Variants in TRANK1 observed in about 807,000 individuals in gnomAD.
TRANK1 encodes tetratricopeptide repeat and ankyrin repeat containing 1, also known as TPR and ankyrin repeat-containing protein 1.
A neutral mutation model predicts 266.0 loss-of-function variants in TRANK1; 198 were observed. The ratio of observed to expected loss-of-function variants is 0.74; its 90% CI spans 0.66 to 0.84. TRANK1 has a LOEUF of 0.84. Ranked by LOEUF, TRANK1 falls within the 40% of genes least tolerant of loss-of-function variation. TRANK1 has a pLI of 0.00. For missense variants in TRANK1, 3,326 were observed against 3,634.6 expected (o/e 0.92, Z 2.18); for synonymous variants, 1,396 against 1,384.1 (o/e 1.01, Z -0.19).
chr3:36,891,423 T>C (rs941817714), intron 7 of TRANK1, among the ~76,000 whole-genome samples: 4 of 151,968 alleles, frequency 2.6e-5, no homozygotes, highest in Non-Finnish European at 5.9e-5. Context: ...AAGACAGGGG[T>C]CCCAGGCCTC....
At chr3:36,829,358 C>T (rs1350181887) in intron 23 of TRANK1, among the ~76,000 whole-genome samples, 1 of 152,090 alleles carries the variant, frequency 6.6e-6, no homozygotes, top group Non-Finnish European at 1.5e-5. Context: ...AACATGTGCC[C>T]AGAATAATGG....
chr3:36,868,182 T>G (rs981863826), intron 9 of TRANK1, among the ~76,000 whole-genome samples: 1 of 152,276 alleles, frequency 6.6e-6, no homozygotes, highest in Non-Finnish European at 1.5e-5. Context: ...AATGTATATA[T>G]AGCTCACATT....
intron 1 of TRANK1, among the ~76,000 whole-genome samples, chr3:36,935,401 G>A (rs529507619): frequency 6.7e-6 from 1 of 150,348 alleles, no homozygotes; most frequent in Non-Finnish European, 1.5e-5. Flanking sequence ...CTCTGTGCCA[G>A]ACACTAATTT....
At chr3:36,917,333 A>T (rs1428849922) in intron 1 of TRANK1, among the ~76,000 whole-genome samples, 1 of 152,242 alleles carries the variant, frequency 6.6e-6, no homozygotes, top group East Asian at 1.9e-4. Context: ...AATATATTCT[A>T]TATTTTTTTC....
At chr3:36,881,888 G>A (rs886964481) in intron 8 of TRANK1, among the ~76,000 whole-genome samples, 10 of 152,072 alleles carry the variant, frequency 6.6e-5, no homozygotes, top group Non-Finnish European at 1.5e-4. Flanking sequence ...CTAGCATAAC[G>A]CAATCTTCCT....
rs1424242876 is a variant in TRANK1, at chr3:36,832,912, G to A, written c.6671C>T (p.Ser2224Leu). 2.7e-5 allele frequency: 44 copies of A among 1,613,350 alleles called. No individual in the cohort carries two copies. The highest frequency in any genetic ancestry group is 6.7e-5 in the East Asian group (3 of 44,880). The change falls in exon 22 of 24, where the codon TCG (serine) becomes TTG (leucine). Residue 2224 changes from serine (S) to leucine (L), a missense_variant. Ser to Leu is a moderately radical substitution (Grantham distance 145). Transcript: ENST00000645898. ...RRCEAKCLVQ[S>L]KMNLVAINGL... is the part of the protein sequence containing the mutation. Reference sequence around the variant, plus strand: ...GTTGATTGCCACCAAGTTCATTTTCGACTGAACTAAACACTTGGCTTCACA... The same window carrying A: ...GTTGATTGCCACCAAGTTCATTTTCAACTGAACTAAACACTTGGCTTCACA...
In TRANK1 at chr3:36,834,854, G is replaced by C. The variant is rs755011460; in HGVS notation, c.5571C>G (p.Phe1857Leu). The C allele has an allele frequency of 1.2e-5, 20 of 1,613,646 alleles. No individual in the cohort carries two copies. The highest frequency in any genetic ancestry group is 1.7e-5 in the Non-Finnish European group (20 of 1,179,786). Reference sequence around the variant, plus strand: ...ATTCCTGAATCTGCTCAAAGCATCTGAAAGCGTCTTTGTAGCACTGGCTTC... The same window carrying C: ...ATTCCTGAATCTGCTCAAAGCATCTCAAAGCGTCTTTGTAGCACTGGCTTC... ...YKRSQCYKDA[F>L]RCFEQIQEFD... The change falls in exon 21 of 24, where the codon TTC becomes TTG. Residue 1857 changes from phenylalanine to leucine, a missense_variant. Coordinates refer to ENST00000645898, the MANE Select transcript of TRANK1 (RefSeq NM_001329998.2).
intron 2 of TRANK1, among the ~76,000 whole-genome samples, chr3:36,907,459 A>ATTTTTTTTTTT (rs1212991729): frequency 2.9e-5 from 3 of 104,350 alleles, no homozygotes; most frequent in Admixed American, 1.1e-4. Context: ...AAATTTATTG[A>ATTTTTTTTTTT]TTTTTTTTTT....
chr3:36,883,062 T>A (rs976265840), intron 8 of TRANK1, among the ~76,000 whole-genome samples: 1 of 152,068 alleles, frequency 6.6e-6, no homozygotes, highest in Admixed American at 6.6e-5. Context: ...CTCTCCTAGA[T>A]GAAAAGTTGA....
chr3:36,846,126 A>G, intron 17 of TRANK1, 122 bp downstream of exon 17: 1 of 1,095,214 alleles, frequency 9.1e-7, no homozygotes, highest in Non-Finnish European at 1.3e-6. Flanking sequence ...TCCATTTCTC[A>G]GAAGATTGTG....
chr3:36,933,422 A>T (rs544833936), intron 1 of TRANK1, among the ~76,000 whole-genome samples: 1 of 152,366 alleles, frequency 6.6e-6, no homozygotes, highest in South Asian at 2.1e-4. Context: ...TTTGAATGTT[A>T]TTCCCAACAA....
chr3:36,945,396 C>G (rs548401939), upstream of TRANK1, among the ~76,000 whole-genome samples: 204 of 152,260 alleles, frequency 1.3e-3, 1 homozygote, highest in Non-Finnish European at 2.2e-3. Context: ...AAAGGACGTA[C>G]GGAGAACAAG....
intron 8 of TRANK1, among the ~76,000 whole-genome samples, chr3:36,878,820 T>A (rs2079430087): frequency 6.8e-6 from 1 of 147,274 alleles, no homozygotes; most frequent in Non-Finnish European, 1.5e-5. Context: ...CTAAAAGAAA[T>A]CTTTTTAAAT....
chr3:36,854,105 A>C (rs1276983028), intron 13 of TRANK1, among the ~76,000 whole-genome samples: 1 of 152,222 alleles, frequency 6.6e-6, no homozygotes, highest in Non-Finnish European at 1.5e-5. Flanking sequence ...TCACGCCTGT[A>C]ATCCCAGCAC....
chr3:36,855,231 A>T lies in TRANK1; in HGVS notation c.4491T>A (p.Cys1497Ter). The change falls in exon 13 of 24, where the codon TGT (cysteine) becomes TGA (stop). Residue 1497 changes from cysteine to a stop codon, truncating the protein, a stop_gained. Transcript: ENST00000645898. LOFTEE classifies it high-confidence loss of function. ...GGATCTTCTTGGGCTTCCGGACAGC[A>T]CACTGCTTGTCTATGGTGTTTCTGC... ...YASRNTIDKQ[C>*]AVRKPKKIHQ... The T allele has an allele frequency of 6.2e-7, 1 of 1,614,036 alleles. No homozygotes were observed. Among genetic ancestry groups the T allele is most frequent in the Non-Finnish European group, 8.5e-7 (1 of 1,179,878 alleles).
chr3:36,942,804 A>G (rs185609792), intron 1 of TRANK1, among the ~76,000 whole-genome samples: 145 of 151,364 alleles, frequency 9.6e-4, no homozygotes, highest in South Asian at 1.9e-3. Context: ...CGGCGGAAAC[A>G]GAACCTGCAG....
chr3:36,901,660 A>G (rs972236734), intron 3 of TRANK1, among the ~76,000 whole-genome samples: 1 of 152,186 alleles, frequency 6.6e-6, no homozygotes, highest in Non-Finnish European at 1.5e-5. Context: ...CAGCCACTGA[A>G]CCAAAAGAAG....
chr3:36,831,497 C>A lies in TRANK1; in HGVS notation c.8086G>T (p.Glu2696Ter), dbSNP rs2078693467. The change falls in exon 22 of 24, where the codon GAA becomes TAA. Residue 2696 changes from glutamate (E) to a stop codon, truncating the protein, a stop_gained. Coordinates refer to ENST00000645898, the MANE Select transcript of TRANK1 (RefSeq NM_001329998.2). LOFTEE classifies it high-confidence loss of function. This position sits in a 1 kb window ranked among gnomAD's most constrained non-coding sequence, Gnocchi z 5.0. ...TGGTCTCGGTCTTCTAATGCCAGTTCATCCATCTCATCCTGGCCAAACTCA... is the reference window on the plus strand; with the variant it reads ...TGGTCTCGGTCTTCTAATGCCAGTTAATCCATCTCATCCTGGCCAAACTCA... ...ECEFGQDEMD[E>*]LALEDRDHVL... The A allele has an allele frequency of 6.2e-7, 1 of 1,613,096 alleles. No individual in the cohort carries two copies. The highest frequency in any genetic ancestry group is 1.7e-5 in the Admixed American group (1 of 59,874).
At chr3:36,885,873 G>T (rs943148486) in intron 8 of TRANK1, among the ~76,000 whole-genome samples, 1 of 152,092 alleles carries the variant, frequency 6.6e-6, no homozygotes, top group Non-Finnish European at 1.5e-5. Flanking sequence ...AACTTTATGT[G>T]GAGGCTGGGT....
Sources: allele counts gnomAD v4.1 joint callset (sites outside exome capture counted in the v4.1 genomes callset), GRCh38; gene constraint gnomAD v4.1.1; non-coding constraint Gnocchi (gnomAD v3.1); transcripts MANE v1.5; gene names NCBI Gene and HGNC (gene_info 2026-07-23, HGNC 2026-07-21).